The following UBR1 variants were observed in gnomAD, a reference collection of about 807,000 sequenced individuals.
UBR1 encodes E3 ubiquitin-protein ligase UBR1.
In UBR1, 102 loss-of-function variants were observed where a neutral mutation model predicts 242.1. That is an observed-to-expected ratio of 0.42 (90% CI 0.36 to 0.50). The LOEUF is 0.50. UBR1 is among the 20% of genes least tolerant of loss of function. The pLI, the probability that UBR1 is intolerant of heterozygous loss-of-function variation, is 0.01. For synonymous variants in UBR1, 675 were observed against 684.8 expected (o/e 0.99, Z 0.22); for missense variants, 1,772 against 2,101.8 (o/e 0.84, Z 3.07).
intron 29 of UBR1, among the ~76,000 whole-genome samples, chr15:43,009,006 C>T (rs908365441): frequency 6.6e-6 from 1 of 152,218 alleles, no homozygotes; most frequent in Non-Finnish European, 1.5e-5. Flanking sequence ...TGTCCGTGTA[C>T]CTCATTCTTC....
At chr15:43,016,511 C>A (rs1286249587) in intron 28 of UBR1, among the ~76,000 whole-genome samples, 2 of 152,104 alleles carry the variant, frequency 1.3e-5, no homozygotes, top group South Asian at 2.1e-4. Context: ...TGATGAAAGT[C>A]ATTTATTGTG....
chr15:42,970,772 G>A (rs2032192004), intron 39 of UBR1, among the ~76,000 whole-genome samples, 165 bp from the exon 40 acceptor site: 1 of 151,890 alleles, frequency 6.6e-6, no homozygotes, highest in African/African-American at 2.4e-5. Flanking sequence ...GCCCAGGCTG[G>A]AGAGCAATGG....
chr15:42,971,721 C>A (rs2032210254), intron 39 of UBR1, among the ~76,000 whole-genome samples: 1 of 152,022 alleles, frequency 6.6e-6, no homozygotes, highest in African/African-American at 2.4e-5. Context: ...TAAGAGAGTT[C>A]AATAATTCTA....
intron 3 of UBR1, among the ~76,000 whole-genome samples, chr15:43,078,290 C>T (rs2033931473): frequency 6.6e-6 from 1 of 152,028 alleles, no homozygotes; most frequent in African/African-American, 2.4e-5. Context: ...GTGGAAACCC[C>T]TAAAGATGTG....
chr15:43,029,617 T>G (rs942078013), intron 21 of UBR1, among the ~76,000 whole-genome samples: 1 of 152,204 alleles, frequency 6.6e-6, no homozygotes, highest in African/African-American at 2.4e-5. Flanking sequence ...CCCTTACCAT[T>G]GCCTTTAATA....
At chr15:43,082,844 A>G in intron 2 of UBR1, 128 bp from the exon 3 acceptor site, 1 of 722,960 alleles carries the variant, frequency 1.4e-6, no homozygotes, top group Non-Finnish European at 2.5e-6. Context: ...TGCTTCAAAA[A>G]CTGGATTGTT....
chr15:43,092,701 G>A (rs915097230), intron 1 of UBR1, among the ~76,000 whole-genome samples: 4 of 152,040 alleles, frequency 2.6e-5, no homozygotes, highest in African/African-American at 7.2e-5. Context: ...CTACGGGCGC[G>A]TGCCACCCCA....
rs1359078808 is a variant in UBR1 at position 43,002,643 on chromosome 15, C to T, written c.3571G>A (p.Glu1191Lys). Reference protein sequence around the residue: ...QRIHVDLFDLESGEYLCPLCK... With the variant: ...QRIHVDLFDLKSGEYLCPLCK... ...AGAGGGCAAAGATATTCTCCACTTT[C>T]CAAGTCAAAAAGGTCAACATGAATG... The change falls in exon 32 of 47, where the codon GAA becomes AAA. Residue 1191 changes from glutamate (E) to lysine (K), a missense_variant. By Grantham distance (56) the Glu-to-Lys change is moderately conservative. Around this residue, in one of 3 missense-constraint regions of UBR1, gnomAD observed 965 missense variants for 1,079.7 expected, o/e 0.89. Transcript: ENST00000290650. 1 of 1,614,146 alleles carries T rather than the reference C, an allele frequency of 6.2e-7. No homozygotes were observed. Among genetic ancestry groups the T allele is most frequent in the East Asian group, 2.2e-5 (1 of 44,894 alleles).
At chr15:43,007,652 C>G (rs1197281652) in intron 29 of UBR1, among the ~76,000 whole-genome samples, 1 of 151,706 alleles carries the variant, frequency 6.6e-6, no homozygotes, top group Non-Finnish European at 1.5e-5. Context: ...GTTATATTCC[C>G]ACAACCTAGA....
chr15:43,068,839 TTG>T (rs2033787926), intron 5 of UBR1, among the ~76,000 whole-genome samples: 1 of 152,166 alleles, frequency 6.6e-6, no homozygotes, highest in Non-Finnish European at 1.5e-5. Context: ...CAAGCTGCTC[TTG>T]AACTCCTGAC....
intron 37 of UBR1, among the ~76,000 whole-genome samples, chr15:42,981,967 C>A (rs2032385872): frequency 6.6e-6 from 1 of 152,162 alleles, no homozygotes; most frequent in African/African-American, 2.4e-5. Flanking sequence ...TACATAAATT[C>A]CTCCAGTATT....
At chr15:42,975,144 C>G (rs2032268726) in intron 39 of UBR1, among the ~76,000 whole-genome samples, 1 of 152,200 alleles carries the variant, frequency 6.6e-6, no homozygotes. Context: ...GATCCACCTG[C>G]CTCAGCCTCC....
At chr15:42,994,659 A>G (rs1195279767) in intron 33 of UBR1, among the ~76,000 whole-genome samples, 2 of 152,184 alleles carry the variant, frequency 1.3e-5, no homozygotes, top group African/African-American at 4.8e-5. Flanking sequence ...CCATATTTGT[A>G]GGCAATATAG....
chr15:42,974,651 C>T (rs75922852), intron 39 of UBR1, among the ~76,000 whole-genome samples: 2 of 152,162 alleles, frequency 1.3e-5, no homozygotes, highest in East Asian at 1.9e-4. Context: ...CTCTGTTACC[C>T]GGCCTGGACT....
intron 26 of UBR1, among the ~76,000 whole-genome samples, 193 bp downstream of exon 26, chr15:43,022,509 A>G (rs1280978100): frequency 6.6e-6 from 1 of 152,132 alleles, no homozygotes; most frequent in Non-Finnish European, 1.5e-5. Flanking sequence ...ATTAAAAAAT[A>G]TATTAGTATA....
At chr15:43,051,426 T>C (rs1341405880) in intron 12 of UBR1, among the ~76,000 whole-genome samples, 2 of 152,032 alleles carry the variant, frequency 1.3e-5, no homozygotes, top group Non-Finnish European at 2.9e-5. Flanking sequence ...TATCAGAGGA[T>C]TGAGGTTGGG....
At chr15:43,090,664 A>T (rs1282199309) in intron 1 of UBR1, among the ~76,000 whole-genome samples, 3 of 151,950 alleles carry the variant, frequency 2.0e-5, no homozygotes, top group Admixed American at 2.0e-4. Flanking sequence ...CCAAACAAAA[A>T]ATCTTACTGT....
chr15:43,006,871 C>G (rs528056326), intron 30 of UBR1, among the ~76,000 whole-genome samples: 2 of 152,088 alleles, frequency 1.3e-5, no homozygotes, highest in Admixed American at 1.3e-4. Context: ...AAAAAAAAGT[C>G]TAGGAATTGA....
In UBR1 at chr15:43,086,124, T is replaced by C; in HGVS notation, c.198A>G (p.Val66=). 1 of 1,614,092 alleles carries C rather than the reference T, an allele frequency of 6.2e-7. No individual in the cohort carries two copies. Among genetic ancestry groups the C allele is most frequent in the Non-Finnish European group, 8.5e-7 (1 of 1,180,016 alleles). ...CCAGTGGAGTGAATATTGACATTTG[T>C]ACACTTTCCTCCTGCTTTTCCAAGT... ...DPDLEKQEES[V]QMSIFTPLEW... is the part of the protein sequence containing the mutation. The change falls in exon 2 of 47, where the codon GTA becomes GTG. Residue 66 remains valine, a synonymous_variant. Coordinates refer to ENST00000290650, the MANE Select transcript of UBR1 (RefSeq NM_174916.3).
Sources: gnomAD v4.1 joint callset for allele counts (sites outside exome capture counted in the v4.1 genomes callset) on GRCh38, gnomAD v4.1.1 for gene constraint, gnomAD v4.1.1 regional missense constraint, MANE v1.5 for transcripts, NCBI Gene and HGNC (gene_info 2026-07-23, HGNC 2026-07-21) for gene names.